Variants in MICAL3 observed in about 807,000 individuals in gnomAD.
MICAL3 encodes [F-actin]-monooxygenase MICAL3.
In MICAL3, 62 loss-of-function variants were observed where a neutral mutation model predicts 207.4. The ratio of observed to expected loss-of-function variants is 0.30; its 90% CI spans 0.24 to 0.37. MICAL3 has a LOEUF of 0.37. Ranked by LOEUF, MICAL3 falls within the 10% of genes least tolerant of loss-of-function variation. MICAL3 has a pLI of 1.00. For missense variants in MICAL3, 2,368 were observed against 2,635.6 expected (o/e 0.90, Z 2.22); for synonymous variants, 1,077 against 1,069.3 (o/e 1.01, Z -0.14).
intron 1 of MICAL3, among the ~76,000 whole-genome samples, chr22:17,930,926 G>A (rs1004757020): frequency 3.3e-5 from 5 of 152,322 alleles, no homozygotes; most frequent in East Asian, 1.9e-4. Flanking sequence ...GCCTGCCACC[G>A]GTCACTGGGC....
At chr22:17,863,970 C>G in intron 19 of MICAL3, 1 of 985,494 alleles carries the variant, frequency 1.0e-6, no homozygotes, top group Non-Finnish European at 1.2e-6. Flanking sequence ...AGAAACACAG[C>G]CCTGCTGGCC....
Position 17,790,389 on chromosome 22 carries a change from CCT to C in MICAL3, c.*341_*342del, listed in dbSNP as rs756330965. The C allele has an allele frequency of 2.8e-5, 8 of 283,526 alleles. No individual in the cohort carries two copies. The highest frequency in any genetic ancestry group is 4.7e-5 in the Non-Finnish European group (7 of 148,836). The allele number at this position is 283,526 out of a possible 1,614,324, so 17.6% of individuals were successfully genotyped here. A position where few individuals can be genotyped will look rare whatever the true frequency, so the allele number is the denominator to read the frequency against. On this transcript the variant is annotated 3_prime_UTR_variant, in exon 32 of 32. Coordinates refer to ENST00000441493, the MANE Select transcript of MICAL3 (RefSeq NM_015241.3). Reference sequence around the variant, plus strand: ...TGTGGTTCTGACGGGGAGCAGCTTCCCTCTCTTACCAAATGTGCCAGTGGAAA... The same window carrying C: ...TGTGGTTCTGACGGGGAGCAGCTTCCCTCTTACCAAATGTGCCAGTGGAAA...
chr22:17,953,658 T>C (rs1221945213), intron 1 of MICAL3, among the ~76,000 whole-genome samples: 1 of 151,872 alleles, frequency 6.6e-6, no homozygotes, highest in African/African-American at 2.4e-5. Context: ...TGGCCGGGTG[T>C]GGTGGCTCAC....
chr22:17,941,858 C>T (rs1305318933), intron 1 of MICAL3, among the ~76,000 whole-genome samples: 2 of 152,156 alleles, frequency 1.3e-5, no homozygotes, highest in East Asian at 3.9e-4. Context: ...TCCCTCCCAC[C>T]CCCATTCTAA....
chr22:17,835,060 T>C (rs889521776), intron 20 of MICAL3, among the ~76,000 whole-genome samples: 2 of 152,166 alleles, frequency 1.3e-5, no homozygotes, highest in African/African-American at 4.8e-5. Context: ...CCCTGCGCCA[T>C]GTCGTGAGGA....
chr22:17,900,996 C>G lies in MICAL3; in HGVS notation c.693G>C (p.Gly231=), dbSNP rs759817642. 42 of 1,613,756 alleles carry G rather than the reference C, an allele frequency of 2.6e-5. No individual in the cohort carries two copies. The highest frequency in any genetic ancestry group is 3.3e-5 in the Non-Finnish European group (39 of 1,179,838). ...GGDGRRNTLE[G]FRRKEFRGKL... The stretch of plus-strand genomic sequence containing the variant: ...TGCCACGGAATTCTTTCCGACGAAA[C>G]CCTGGAGGGAAATAAATTTTCAGAG... Residue 231 remains glycine, a splice_region_variant and synonymous_variant, in exon 6 of 32, where the codon GGG becomes GGC. Coordinates refer to ENST00000441493, the MANE Select transcript of MICAL3 (RefSeq NM_015241.3). This position sits in a 1 kb window ranked among gnomAD's most constrained non-coding sequence, Gnocchi z 4.0.
intron 16 of MICAL3, chr22:17,876,843 G>C (rs1199369328): frequency 1.1e-4 from 15 of 139,754 alleles, no homozygotes; most frequent in East Asian, 2.1e-4. Context: ...GGTTAGGGAG[G>C]TTAGGGAGGT....
intron 1 of MICAL3, among the ~76,000 whole-genome samples, chr22:17,992,032 C>A (rs1166740093): frequency 1.3e-5 from 2 of 152,190 alleles, no homozygotes; most frequent in East Asian, 3.8e-4. Flanking sequence ...ACTGCTCCCA[C>A]CCACCGTTGC....
rs1042256244 is a variant in MICAL3 at position 17,902,156 on chromosome 22, T to A, written c.590-177A>T. 5.3e-5 allele frequency among the ~76,000 whole-genome samples: 8 copies of A among 152,188 alleles called. No individual in the cohort carries two copies. The highest frequency in any genetic ancestry group is 1.9e-4 in the African/African-American group (8 of 41,448). On this transcript the variant is annotated intron_variant, in intron 4 of 31. Coordinates refer to ENST00000441493, the MANE Select transcript of MICAL3 (RefSeq NM_015241.3). The surrounding 1 kb of genome is among the most constrained non-coding windows in gnomAD (Gnocchi z 4.5). ...GCTCGTGCCTCTAATCCCAGCACTA[T>A]GCGAGGCAGAGGCTGGCAGACTACT... is the stretch of plus-strand genomic sequence containing the variant.
chr22:17,872,094 A>G (rs960027244), intron 16 of MICAL3, 71 bp from the exon 17 acceptor site: 51 of 1,371,648 alleles, frequency 3.7e-5, no homozygotes, highest in Non-Finnish European at 4.6e-5. Context: ...CTAGAGGCAC[A>G]GCCTTGCGAG....
chr22:17,790,637 G>C lies in MICAL3; in HGVS notation c.*95C>G, dbSNP rs376461892. The C allele has an allele frequency of 9.6e-5, 112 of 1,161,516 alleles. No individual in the cohort carries two copies. Among genetic ancestry groups the C allele is most frequent in the Non-Finnish European group, 1.3e-4 (105 of 831,078 alleles). The allele number at this position is 1,161,516 out of a possible 1,614,324, so 72.0% of individuals were successfully genotyped here. ...GGCATCTGAGCGTAAACTCCAAGGA[G>C]GTGCCAGGCCTCCTCAGATCGCGGC... On this transcript the variant is annotated 3_prime_UTR_variant, in exon 32 of 32. Transcript: ENST00000441493.
intron 15 of MICAL3, among the ~76,000 whole-genome samples, chr22:17,886,615 G>A (rs1326020535): frequency 6.6e-6 from 1 of 152,060 alleles, no homozygotes; most frequent in East Asian, 1.9e-4. Context: ...GACCAGCCTG[G>A]CCAGCATGGT....
chr22:17,971,100 C>A (rs1935393677), intron 1 of MICAL3, among the ~76,000 whole-genome samples: 1 of 152,058 alleles, frequency 6.6e-6, no homozygotes, highest in Non-Finnish European at 1.5e-5. Context: ...CCACTTGAGC[C>A]CCAGAGGCGG....
chr22:17,879,406 T>C (rs754416976), intron 16 of MICAL3: 18 of 1,610,426 alleles, frequency 1.1e-5, no homozygotes, highest in South Asian at 8.8e-5. Context: ...TGTATGTCTG[T>C]TGGCAACAAA....
intron 1 of MICAL3, among the ~76,000 whole-genome samples, chr22:17,920,587 T>G (rs543100262): frequency 2.0e-4 from 31 of 152,180 alleles, no homozygotes; most frequent in Non-Finnish European, 4.0e-4. Context: ...GCCTCCAGTC[T>G]CTCAGCTGCA....
At chr22:17,885,039 G>A (rs1429123198) in intron 16 of MICAL3, among the ~76,000 whole-genome samples, 1 of 152,170 alleles carries the variant, frequency 6.6e-6, no homozygotes, top group Non-Finnish European at 1.5e-5. Context: ...CACTTCCAGT[G>A]CGAATCTTCA....
intron 22 of MICAL3, among the ~76,000 whole-genome samples, chr22:17,823,750 T>G (rs1267211177): frequency 6.6e-6 from 1 of 152,206 alleles, no homozygotes; most frequent in African/African-American, 2.4e-5. Flanking sequence ...ATGCAGAGAT[T>G]ACAACATCCG....
intron 7 of MICAL3, among the ~76,000 whole-genome samples, chr22:17,898,339 G>A (rs138883781): frequency 7.9e-4 from 121 of 152,326 alleles, no homozygotes; most frequent in African/African-American, 2.7e-3. Context: ...AACCAGATAC[G>A]TCTTGCTTAT....
intron 1 of MICAL3, among the ~76,000 whole-genome samples, chr22:17,947,184 T>C (rs974762271): frequency 2.0e-5 from 3 of 152,226 alleles, no homozygotes; most frequent in African/African-American, 7.2e-5. Context: ...CAGGCCAGCC[T>C]ACAGCCGCTG....
Sources: allele counts gnomAD v4.1 joint callset (sites outside exome capture counted in the v4.1 genomes callset), GRCh38; gene constraint gnomAD v4.1.1; non-coding constraint Gnocchi (gnomAD v3.1); transcripts MANE v1.5; gene names NCBI Gene and HGNC (gene_info 2026-07-23, HGNC 2026-07-21).